Variants in UBN1 observed in about 807,000 individuals in gnomAD.
The protein encoded by UBN1 is ubinuclein 1, also known as ubinuclein-1.
Under a neutral mutation model 108.5 loss-of-function variants are expected in UBN1, and 17 were observed. The ratio of observed to expected loss-of-function variants is 0.16; its 90% CI spans 0.11 to 0.24. The LOEUF is 0.24. UBN1 is among the 10% of genes least tolerant of loss of function. The probability of loss-of-function intolerance (pLI) is 1.00; values close to 1 mark genes in which losing one functional copy is unlikely to be tolerated. For missense variants in UBN1, 1,595 were observed against 1,394.4 expected, an observed-to-expected ratio of 1.14 and a Z score of -2.29; for synonymous variants, 726 against 564.2, an observed-to-expected ratio of 1.29 and a Z score of -4.07.
At position 4,876,860 on chromosome 16, in the gene UBN1, T is replaced by G; in HGVS notation, c.3025-11T>G. Reference sequence around the variant, plus strand: ...CTGGAGTTCTTACCGCTTGCTGTGTTTCTTCCCTAGAAAGGAGCGAGTGGG... The same window carrying G: ...CTGGAGTTCTTACCGCTTGCTGTGTGTCTTCCCTAGAAAGGAGCGAGTGGG... On this transcript the variant is annotated splice_polypyrimidine_tract_variant and intron_variant, in intron 15 of 17. Coordinates refer to ENST00000262376, the MANE Select transcript of UBN1 (RefSeq NM_001079514.3). The G allele has an allele frequency of 6.4e-7, 1 of 1,571,102 alleles. No individual in the cohort carries two copies. Among genetic ancestry groups the G allele is most frequent in the South Asian group, 1.2e-5 (1 of 84,176 alleles).
intron 12 of UBN1, among the ~76,000 whole-genome samples, chr16:4,871,746 C>T (rs1311792212): frequency 6.6e-6 from 1 of 151,816 alleles, no homozygotes; most frequent in African/African-American, 2.4e-5. Flanking sequence ...GCCACCATGC[C>T]CGGCTAATTT....
intron 7 of UBN1, among the ~76,000 whole-genome samples, chr16:4,867,705 G>A (rs59756956): frequency 6.6e-6 from 1 of 152,126 alleles, no homozygotes; most frequent in Admixed American, 6.5e-5. Flanking sequence ...GGAGGAGGCA[G>A]ATGGAGCAGT....
intron 1 of UBN1, among the ~76,000 whole-genome samples, chr16:4,849,147 A>T (rs1216629033): frequency 1.3e-5 from 2 of 152,222 alleles, no homozygotes; most frequent in African/African-American, 2.4e-5. Context: ...TGAACATTGC[A>T]CCAAAACCTA....
chr16:4,869,723 T>C (rs1051555895), intron 8 of UBN1, among the ~76,000 whole-genome samples: 1 of 152,174 alleles, frequency 6.6e-6, no homozygotes, highest in African/African-American at 2.4e-5. Context: ...GCGTGCCAAA[T>C]GTGGACAGCT....
In UBN1 at chr16:4,874,751, G is replaced by C. The variant is rs745531897; in HGVS notation, c.2341G>C (p.Ala781Pro). The part of the protein sequence containing the change: ...KGLPEVHQSK[A>P]KHHSLPRTSH... ...CCTGCCAGAAGTACATCAGTCCAAA[G>C]CTAAGCACCACAGCTTGCCACGGAC... Residue 781 changes from alanine (A) to proline (P), a missense_variant, in exon 15 of 18, where the codon GCT becomes CCT. Ala to Pro is a conservative substitution (Grantham distance 27). This residue lies in a region of UBN1 where 1,398 missense variants were observed against 1,194.7 expected (regional missense o/e 1.17). Transcript: ENST00000262376. 6.2e-7 allele frequency: 1 copy of C among 1,614,096 alleles called. No individual in the cohort carries two copies. The highest frequency in any genetic ancestry group is 8.5e-7 in the Non-Finnish European group (1 of 1,180,038).
chr16:4,866,575 C>T (rs1048591404), intron 7 of UBN1, among the ~76,000 whole-genome samples: 2 of 152,216 alleles, frequency 1.3e-5, no homozygotes, highest in Non-Finnish European at 2.9e-5. Context: ...TGCAGTGGCA[C>T]GATCTTGCCT....
At chr16:4,872,966 C>A (rs773171654) in intron 13 of UBN1, 32 bp downstream of exon 13, 2 of 1,614,060 alleles carry the variant, frequency 1.2e-6, no homozygotes, top group Admixed American at 3.3e-5. Flanking sequence ...CATCTCGGGA[C>A]AAGTGTTGTT....
intron 7 of UBN1, 95 bp downstream of exon 7, chr16:4,861,197 TAGTG>T (rs1170114748): frequency 7.4e-7 from 1 of 1,349,394 alleles, no homozygotes; most frequent in East Asian, 2.5e-5. Flanking sequence ...GAGAAACTCT[TAGTG>T]AGTTGGCAGT....
Position 4,859,138 on chromosome 16 carries a change from A to G in UBN1, c.546A>G (p.Glu182=), listed in dbSNP as rs1201860351. The G allele has an allele frequency of 6.2e-7, 1 of 1,613,436 alleles. No homozygotes were observed. Among genetic ancestry groups the G allele is most frequent in the East Asian group, 2.2e-5 (1 of 44,884 alleles). Residue 182 remains glutamate (E), a synonymous_variant, in exon 5 of 18, where the codon GAA becomes GAG. Transcript: ENST00000262376. ...ASESEDDFIK[E]KKKKSPKKRK... is the part of the protein sequence containing the mutation. ...AGTCTGAAGATGACTTCATTAAAGA[A>G]AAGAAGAAAAAATCTCCAAAGGTTA...
intron 15 of UBN1, among the ~76,000 whole-genome samples, chr16:4,876,435 G>T (rs1006603930): frequency 1.3e-5 from 2 of 151,864 alleles, no homozygotes; most frequent in Non-Finnish European, 2.9e-5. Flanking sequence ...AGGTATATAT[G>T]TATGTGTGTG....
Position 4,858,459 on chromosome 16 carries a change from T to TTTTAG in UBN1, c.337-106_337-102dup, listed in dbSNP as rs1436176220. 1.1e-5 allele frequency: 10 copies of TTTTAG among 935,610 alleles called. No homozygotes were observed. The Admixed American group carries it at 1.9e-4, about 17-fold the overall frequency. 58.0% of individuals were successfully genotyped at this position (935,610 alleles called of 1,614,324 possible). A position where few individuals can be genotyped will look rare whatever the true frequency, so the allele number is the denominator to read the frequency against. On this transcript the variant is annotated intron_variant, in intron 3 of 17. Coordinates refer to ENST00000262376, the MANE Select transcript of UBN1 (RefSeq NM_001079514.3). ...TTGTGTGTATGTGAGAGAGTGACTG[T>TTTTAG]TTTAGTTAGTGCATTACCTCTTTGA...
chr16:4,881,687 T>A lies in UBN1; in HGVS notation c.*1555T>A, dbSNP rs1567973167. On this transcript the variant is annotated 3_prime_UTR_variant, in exon 18 of 18. Coordinates refer to ENST00000262376, the MANE Select transcript of UBN1 (RefSeq NM_001079514.3). ...CGGCCTCTGCTCTGTCTCCTTTTTTTACATAAGAACCAATCCGTGTTTCAC... is the reference window on the plus strand; with the variant it reads ...CGGCCTCTGCTCTGTCTCCTTTTTTAACATAAGAACCAATCCGTGTTTCAC... 1 of 152,236 alleles carries A rather than the reference T, an allele frequency of 6.6e-6. No homozygotes were observed. Among genetic ancestry groups the A allele is most frequent in the Non-Finnish European group, 1.5e-5 (1 of 68,042 alleles). The allele number at this position is 152,236 out of a possible 1,614,324, so 9.4% of individuals were successfully genotyped here.
At position 4,877,050 on chromosome 16, in the gene UBN1, C is replaced by A. The variant is rs774428831; in HGVS notation, c.3204C>A (p.Val1068=). 2.5e-6 allele frequency: 4 copies of A among 1,614,208 alleles called. No homozygotes were observed. The highest frequency in any genetic ancestry group is 3.4e-6 in the Non-Finnish European group (4 of 1,180,038). The change falls in exon 16 of 18, where the codon GTC becomes GTA. Residue 1068 remains valine (V), a synonymous_variant. Transcript: ENST00000262376. The surrounding 1 kb of genome is among the most constrained non-coding windows in gnomAD (Gnocchi z 4.3). The stretch of plus-strand genomic sequence containing the variant: ...CTGACTCCTCTGCCAAAGCAGGGGT[C>A]TCCAAGGATGCCATCGTCACAGGCC... The part of the protein sequence containing the change: ...FSADSSAKAG[V]SKDAIVTGPA...
At chr16:4,854,809 G>A (rs1009729630) in intron 2 of UBN1, among the ~76,000 whole-genome samples, 14 of 151,708 alleles carry the variant, frequency 9.2e-5, no homozygotes, top group South Asian at 2.1e-4. Context: ...TGCAAGCTCC[G>A]CCTCCTCGGT....
intron 15 of UBN1, among the ~76,000 whole-genome samples, chr16:4,875,895 G>A (rs1567959117): frequency 2.0e-5 from 3 of 152,142 alleles, no homozygotes; most frequent in South Asian, 4.1e-4. Context: ...AATAATTAAT[G>A]CATCTCGCTT....
At chr16:4,853,297 C>A in intron 2 of UBN1, 131 bp downstream of exon 2, 1 of 1,261,988 alleles carries the variant, frequency 7.9e-7, no homozygotes, top group Admixed American at 2.7e-5. Flanking sequence ...GTCACTCACT[C>A]AAGGCAAGCA....
At position 4,881,876 on chromosome 16, in the gene UBN1, G is replaced by A. The variant is rs2088084756; in HGVS notation, c.*1744G>A. 6.6e-6 allele frequency: 1 copy of A among 152,362 alleles called. No homozygotes were observed. Among genetic ancestry groups the A allele is most frequent in the African/African-American group, 2.4e-5 (1 of 41,332 alleles). 9.4% of individuals were successfully genotyped at this position (152,362 alleles called of 1,614,324 possible). A position where few individuals can be genotyped will look rare whatever the true frequency, so the allele number is the denominator to read the frequency against. On this transcript the variant is annotated 3_prime_UTR_variant, in exon 18 of 18. Coordinates refer to ENST00000262376, the MANE Select transcript of UBN1 (RefSeq NM_001079514.3). ...AGAGGCCGGCAGTGGAGGCTGAGCA[G>A]GGACTCTCCAGGCTTCTCTGCCCAT...
chr16:4,874,769 C>T lies in UBN1; in HGVS notation c.2359C>T (p.Pro787Ser). 3.7e-6 allele frequency: 6 copies of T among 1,614,054 alleles called. No homozygotes were observed. Among genetic ancestry groups the T allele is most frequent in the South Asian group, 1.1e-5 (1 of 91,086 alleles). Residue 787 changes from proline to serine, a missense_variant, in exon 15 of 18, where the codon CCA (proline) becomes TCA (serine). Physicochemically the swap from Pro to Ser is moderately conservative, Grantham distance 74 (BLOSUM62 -1). Transcript: ENST00000262376. ...GTCCAAAGCTAAGCACCACAGCTTG[C>T]CACGGACGTCTCACGGGCCCCAAGT... The part of the protein sequence containing the change: ...HQSKAKHHSL[P>S]RTSHGPQVAV...
intron 14 of UBN1, among the ~76,000 whole-genome samples, chr16:4,873,483 A>G (rs554560307): frequency 6.6e-6 from 1 of 152,358 alleles, no homozygotes; most frequent in Admixed American, 6.5e-5. Flanking sequence ...ATGGAGGGCA[A>G]TATAGTGGCT....
Sources: allele counts gnomAD v4.1 joint callset (sites outside exome capture counted in the v4.1 genomes callset), GRCh38; gene constraint gnomAD v4.1.1; regional missense constraint gnomAD v4.1.1; non-coding constraint Gnocchi (gnomAD v3.1); transcripts MANE v1.5; gene names NCBI Gene and HGNC (gene_info 2026-07-23, HGNC 2026-07-21).